The following TTLL11 variants were observed in gnomAD, a reference collection of about 807,000 sequenced individuals.
TTLL11 encodes the protein tubulin polyglutamylase TTLL11.
A neutral mutation model predicts 51.7 loss-of-function variants in TTLL11; 42 were observed. That is an observed-to-expected ratio of 0.81 (90% CI 0.64 to 1.05). The LOEUF is 1.05. TTLL11 is among the 50% of genes least tolerant of loss of function. TTLL11 has a pLI of 0.00. For synonymous variants in TTLL11, 381 were observed against 383.5 expected, an observed-to-expected ratio of 0.99 and a Z score of 0.08; for missense variants, 799 against 940.4, an observed-to-expected ratio of 0.85 and a Z score of 1.97.
intron 3 of TTLL11, among the ~76,000 whole-genome samples, chr9:122,020,354 C>G (rs1254974708): frequency 6.6e-6 from 1 of 152,218 alleles, no homozygotes; most frequent in African/African-American, 2.4e-5. Flanking sequence ...AACCCTGCTC[C>G]CCATCACCAA....
intron 6 of TTLL11, among the ~76,000 whole-genome samples, chr9:121,880,836 C>T (rs749340401): frequency 3.9e-5 from 6 of 152,326 alleles, no homozygotes; most frequent in South Asian, 2.1e-4. Flanking sequence ...CACCTGAGGA[C>T]GCTGAAGCGT....
intron 3 of TTLL11, among the ~76,000 whole-genome samples, chr9:122,030,625 A>G (rs993377218): frequency 2.0e-5 from 3 of 152,136 alleles, no homozygotes; most frequent in African/African-American, 7.2e-5. Flanking sequence ...TATGAAGATT[A>G]AAAGAAATAA....
chr9:122,018,574 G>C (rs1844064476), intron 3 of TTLL11, among the ~76,000 whole-genome samples: 2 of 152,176 alleles, frequency 1.3e-5, no homozygotes, highest in Admixed American at 1.3e-4. Flanking sequence ...CTAAGGCTAG[G>C]ATCACTTTCA....
chr9:122,086,681 C>T (rs1230078177), intron 1 of TTLL11, among the ~76,000 whole-genome samples: 1 of 152,200 alleles, frequency 6.6e-6, no homozygotes, highest in Non-Finnish European at 1.5e-5. Flanking sequence ...GTGCAGGCAC[C>T]AAATGCTCCC....
intron 8 of TTLL11, among the ~76,000 whole-genome samples, chr9:121,834,511 G>A (rs1158273417): frequency 9.6e-5 from 14 of 146,198 alleles, no homozygotes; most frequent in Admixed American, 8.2e-4. Context: ...GTACCACACA[G>A]AAAAAGCAAC....
chr9:121,944,664 T>G (rs747522235), intron 6 of TTLL11, among the ~76,000 whole-genome samples: 29 of 152,330 alleles, frequency 1.9e-4, no homozygotes, highest in Non-Finnish European at 2.6e-4. Flanking sequence ...TCATAAAGCG[T>G]GGTCCATTGG....
intron 6 of TTLL11, among the ~76,000 whole-genome samples, chr9:121,964,151 G>A (rs561582180): frequency 1.1e-3 from 160 of 149,700 alleles, no homozygotes; most frequent in African/African-American, 3.5e-3. Context: ...ATGGACCCCC[G>A]ACCCTGAAAT....
chr9:122,089,527 G>T (rs901895536), intron 1 of TTLL11, among the ~76,000 whole-genome samples: 1 of 152,170 alleles, frequency 6.6e-6, no homozygotes, highest in African/African-American at 2.4e-5. Flanking sequence ...TTTAAAGCAG[G>T]AAGGAACTTT....
intron 1 of TTLL11, among the ~76,000 whole-genome samples, chr9:122,060,160 G>A (rs7848199): frequency 1.3e-5 from 2 of 151,972 alleles, no homozygotes; most frequent in African/African-American, 4.8e-5. Flanking sequence ...ATAGACACAG[G>A]GTCCACCCAC....
intron 1 of TTLL11, among the ~76,000 whole-genome samples, chr9:122,086,400 T>C (rs936611939): frequency 6.6e-6 from 1 of 152,220 alleles, no homozygotes; most frequent in African/African-American, 2.4e-5. Flanking sequence ...GGAGAACATT[T>C]GATGGAGTAG....
rs947647484 is a variant in TTLL11 at position 121,820,318 on chromosome 9, T to A, written c.*2269A>T. 3.3e-5 allele frequency among the ~76,000 whole-genome samples: 5 copies of A among 152,254 alleles called. No homozygotes were observed. Among genetic ancestry groups the A allele is most frequent in the African/African-American group, 1.2e-4 (5 of 41,474 alleles). On this transcript the variant is annotated 3_prime_UTR_variant, in exon 9 of 9. Transcript: ENST00000321582. ...ACCAACTTCAAGAAATGGTGTCACG[T>A]GAGAGCTTTGTTAAGACTTCTGGTG...
intron 8 of TTLL11, among the ~76,000 whole-genome samples, chr9:121,857,301 C>A (rs1292933910): frequency 6.6e-6 from 1 of 152,184 alleles, no homozygotes; most frequent in East Asian, 1.9e-4. Context: ...ACCAGCCCTG[C>A]CCCCTCTGTA....
intron 6 of TTLL11, among the ~76,000 whole-genome samples, chr9:121,936,348 C>T (rs1038084646): frequency 2.2e-4 from 33 of 151,718 alleles, no homozygotes; most frequent in African/African-American, 7.5e-4. Flanking sequence ...ACTGCAGCCT[C>T]GATGTCCCAG....
chr9:121,927,297 T>C (rs1000076913), intron 6 of TTLL11, among the ~76,000 whole-genome samples: 19 of 151,176 alleles, frequency 1.3e-4, no homozygotes, highest in African/African-American at 4.7e-4. Context: ...ATGCGCTGTC[T>C]GTATCTATGT....
chr9:121,842,690 T>C (rs1031200269), intron 8 of TTLL11, among the ~76,000 whole-genome samples: 13 of 152,206 alleles, frequency 8.5e-5, no homozygotes, highest in East Asian at 1.9e-4. Context: ...TTGGGTAACC[T>C]GGGCATTTTT....
chr9:121,832,553 A>G lies in TTLL11; in HGVS notation c.1841-9674T>C, dbSNP rs1837050916. 1.3e-5 allele frequency among the ~76,000 whole-genome samples: 2 copies of G among 152,218 alleles called. 1 individual carries two copies. Among genetic ancestry groups the G allele is most frequent in the Non-Finnish European group, 2.9e-5 (2 of 68,034 alleles). The stretch of plus-strand genomic sequence containing the variant: ...AGCGGGTATTGACAATCCATTTTAC[A>G]TTCAAGAAACTTGCCACAATCGCAT... On this transcript the variant is annotated intron_variant, in intron 8 of 8. Coordinates refer to ENST00000321582, the MANE Select transcript of TTLL11 (RefSeq NM_001139442.2).
At chr9:122,056,193 C>T (rs1168432952) in intron 1 of TTLL11, among the ~76,000 whole-genome samples, 5 of 152,108 alleles carry the variant, frequency 3.3e-5, no homozygotes, top group Non-Finnish European at 5.9e-5. Flanking sequence ...TCGGCTTTGC[C>T]CCCTCCAAAT....
chr9:122,011,895 C>A (rs1038703997), intron 3 of TTLL11, among the ~76,000 whole-genome samples: 2 of 152,100 alleles, frequency 1.3e-5, no homozygotes, highest in Non-Finnish European at 2.9e-5. Context: ...TTCTTCTAAT[C>A]CTTCTAGCAA....
At chr9:121,828,698 T>C (rs1391897996) in intron 8 of TTLL11, among the ~76,000 whole-genome samples, 1 of 152,208 alleles carries the variant, frequency 6.6e-6, no homozygotes, top group Non-Finnish European at 1.5e-5. Context: ...TTTTTATTTA[T>C]GATTCATTTA....
Sources: allele counts gnomAD v4.1 joint callset (sites outside exome capture counted in the v4.1 genomes callset), GRCh38; gene constraint gnomAD v4.1.1; transcripts MANE v1.5; gene names NCBI Gene and HGNC (gene_info 2026-07-23, HGNC 2026-07-21).